FER1L6: variants seen among roughly 807,000 people sequenced by gnomAD.
FER1L6 encodes the protein fer-1 like family member 6.
In FER1L6, 177 loss-of-function variants were observed where a neutral mutation model predicts 219.2. The observed-to-expected ratio is 0.81, with a 90% CI of 0.71 to 0.91. FER1L6 has a LOEUF of 0.91. Ranked by LOEUF, FER1L6 falls within the 40% of genes least tolerant of loss-of-function variation. FER1L6 has a pLI of 0.00. For synonymous variants in FER1L6, 768 were observed against 824.3 expected (o/e 0.93, Z 1.17); for missense variants, 2,153 against 2,259.9 (o/e 0.95, Z 0.96).
intron 1 of FER1L6, among the ~76,000 whole-genome samples, chr8:123,887,008 G>A (rs1428514153): frequency 6.6e-6 from 1 of 152,102 alleles, no homozygotes; most frequent in African/African-American, 2.4e-5. Context: ...GAGATGCCAA[G>A]CCTCTCAAAA....
intron 6 of FER1L6, among the ~76,000 whole-genome samples, chr8:123,973,209 C>G (rs1353780043): frequency 6.6e-6 from 1 of 152,156 alleles, no homozygotes; most frequent in East Asian, 1.9e-4. Flanking sequence ...TTAAAGGAAG[C>G]TTGCAGGCAC....
At chr8:123,991,421 T>G (rs1439676489) in intron 12 of FER1L6, among the ~76,000 whole-genome samples, 1 of 152,134 alleles carries the variant, frequency 6.6e-6, no homozygotes, top group African/African-American at 2.4e-5. Flanking sequence ...ATATTTCACC[T>G]CCTTGGTTAA....
intron 1 of FER1L6, among the ~76,000 whole-genome samples, chr8:123,895,806 T>C (rs1050303002): frequency 6.6e-6 from 1 of 152,198 alleles, no homozygotes; most frequent in Non-Finnish European, 1.5e-5. Context: ...CATTAACTAT[T>C]GTCTCGCCCA....
chr8:123,938,721 T>G (rs1814106547), intron 1 of FER1L6, among the ~76,000 whole-genome samples: 2 of 152,040 alleles, frequency 1.3e-5, no homozygotes, highest in South Asian at 4.2e-4. Flanking sequence ...TAATTTTTTG[T>G]GTTTTTAGTA....
chr8:124,005,853 G>A (rs1201517453), intron 13 of FER1L6, among the ~76,000 whole-genome samples: 2 of 152,192 alleles, frequency 1.3e-5, no homozygotes, highest in Non-Finnish European at 2.9e-5. Context: ...AAGGGATTGA[G>A]GGAAAGCATT....
At chr8:124,064,106 CAA>C (rs909858303) in intron 25 of FER1L6, among the ~76,000 whole-genome samples, 5 of 152,312 alleles carry the variant, frequency 3.3e-5, no homozygotes, top group African/African-American at 9.6e-5. Context: ...GAATCAATAA[CAA>C]ATACAACCAT....
At chr8:124,080,307 T>A (rs917102278) in intron 32 of FER1L6, among the ~76,000 whole-genome samples, 1 of 151,992 alleles carries the variant, frequency 6.6e-6, no homozygotes, top group Non-Finnish European at 1.5e-5. Context: ...TCAACCATAG[T>A]GGGCTGTTTT....
chr8:123,953,835 T>A (rs1814890911), intron 1 of FER1L6, among the ~76,000 whole-genome samples: 1 of 152,182 alleles, frequency 6.6e-6, no homozygotes, highest in Non-Finnish European at 1.5e-5. Flanking sequence ...AAATGCTGAT[T>A]CGGGGTTGGG....
At chr8:123,868,069 G>A (rs774068921) in intron 1 of FER1L6, among the ~76,000 whole-genome samples, 88 of 151,990 alleles carry the variant, frequency 5.8e-4, no homozygotes, top group Non-Finnish European at 1.1e-3. Context: ...TTTTTCCCTC[G>A]ACATTGTATT....
chr8:124,113,256 A>G (rs1823093983), intron 39 of FER1L6, among the ~76,000 whole-genome samples: 2 of 152,072 alleles, frequency 1.3e-5, no homozygotes, highest in Non-Finnish European at 1.5e-5. Context: ...ATCCACCACC[A>G]AGATTCAACA....
chr8:124,019,716 C>G (rs1342688851), intron 16 of FER1L6, among the ~76,000 whole-genome samples: 1 of 152,176 alleles, frequency 6.6e-6, no homozygotes, highest in Non-Finnish European at 1.5e-5. Context: ...AAGGACAAGA[C>G]AGAGGAGGTC....
chr8:123,912,092 G>A (rs1813056298), intron 1 of FER1L6, among the ~76,000 whole-genome samples: 1 of 152,014 alleles, frequency 6.6e-6, no homozygotes, highest in African/African-American at 2.4e-5. Flanking sequence ...AACATTACGT[G>A]GTACTCATCA....
At position 124,103,324 on chromosome 8, in the gene FER1L6, T is replaced by C; in HGVS notation, c.5289+15T>C. On this transcript the variant is annotated intron_variant, in intron 39 of 40. Transcript: ENST00000522917. The stretch of plus-strand genomic sequence containing the variant: ...AAGAACTCACAGTAAGTGACAGCTA[T>C]GGGAGGTGGAGGAGATGGGGGAAGT... 2 of 1,609,610 alleles carry C rather than the reference T, an allele frequency of 1.2e-6. No individual in the cohort carries two copies. The highest frequency in any genetic ancestry group is 1.7e-6 in the Non-Finnish European group (2 of 1,177,200).
chr8:124,004,115 CAAAAAA>C (rs80310802), intron 13 of FER1L6: 1 of 78,490 alleles, frequency 1.3e-5, no homozygotes, highest in African/African-American at 4.7e-5. Flanking sequence ...CTGAAAGACT[CAAAAAA>C]AAAAAAAAAA....
At chr8:124,021,756 T>C in intron 17 of FER1L6, 87 bp downstream of exon 17, 1 of 1,501,948 alleles carries the variant, frequency 6.7e-7, no homozygotes, top group Non-Finnish European at 9.1e-7. Context: ...GGGTGAAATA[T>C]GAATCAATGT....
At chr8:124,062,632 C>T (rs571345432) in intron 25 of FER1L6, among the ~76,000 whole-genome samples, 5 of 152,290 alleles carry the variant, frequency 3.3e-5, no homozygotes, top group Admixed American at 2.6e-4. Context: ...TACTATTACT[C>T]GCTGCATCTA....
intron 12 of FER1L6, among the ~76,000 whole-genome samples, chr8:123,987,668 G>A (rs974757337): frequency 6.6e-6 from 1 of 152,264 alleles, no homozygotes; most frequent in African/African-American, 2.4e-5. Context: ...TTAGATTTAA[G>A]TCTTTAATCC....
intron 16 of FER1L6, among the ~76,000 whole-genome samples, chr8:124,019,595 G>C (rs966031217): frequency 1.3e-5 from 2 of 152,216 alleles, no homozygotes; most frequent in Non-Finnish European, 2.9e-5. Context: ...AAAGCTAGAA[G>C]AACGTAGTGC....
At chr8:123,990,380 A>AACATCT (rs1225108818) in intron 12 of FER1L6, among the ~76,000 whole-genome samples, 1 of 152,184 alleles carries the variant, frequency 6.6e-6, no homozygotes, top group Non-Finnish European at 1.5e-5. Context: ...CATTCACGCC[A>AACATCT]ACATCTATTG....
Sources: gnomAD v4.1 joint callset for allele counts (sites outside exome capture counted in the v4.1 genomes callset) on GRCh38, gnomAD v4.1.1 for gene constraint, MANE v1.5 for transcripts, NCBI Gene and HGNC (gene_info 2026-07-23, HGNC 2026-07-21) for gene names.